Variants in ERC1 observed in about 807,000 individuals in gnomAD.
The protein encoded by ERC1 is RAB6 interacting protein 2.
Under a neutral mutation model 132.0 loss-of-function variants are expected in ERC1, and 56 were observed. The ratio of observed to expected loss-of-function variants is 0.42; its 90% CI spans 0.34 to 0.53. ERC1 has a LOEUF of 0.53. Among genes scored for constraint, ERC1 ranks in the 20% least tolerant of loss-of-function variants. The pLI is 0.03. For synonymous variants in ERC1, 478 were observed against 476.1 expected, an observed-to-expected ratio of 1.00 and a Z score of -0.05; for missense variants, 1,202 against 1,349.9, an observed-to-expected ratio of 0.89 and a Z score of 1.72.
intron 2 of ERC1, among the ~76,000 whole-genome samples, chr12:1,048,022 C>T (rs1248616596): frequency 1.3e-5 from 2 of 152,128 alleles, no homozygotes; most frequent in African/African-American, 2.4e-5. Context: ...TTCCTTTGTT[C>T]ATTTTGAAGT....
chr12:1,448,953 G>C (rs2093366198), intron 18 of ERC1, among the ~76,000 whole-genome samples: 1 of 152,244 alleles, frequency 6.6e-6, no homozygotes, highest in South Asian at 2.1e-4. Context: ...AGAGCCACAG[G>C]GGCAGAGCTG....
At chr12:1,418,657 C>CT (rs1565396480) in intron 17 of ERC1, among the ~76,000 whole-genome samples, 2 of 122,934 alleles carry the variant, frequency 1.6e-5, no homozygotes, top group African/African-American at 6.6e-5. Flanking sequence ...CTCTCTCTCT[C>CT]TCTCTTTCTT....
At chr12:1,042,343 TTTTTTTTTTTTTTC>T (rs1565846204) in intron 2 of ERC1, among the ~76,000 whole-genome samples, 4 of 144,302 alleles carry the variant, frequency 2.8e-5, no homozygotes, top group Admixed American at 7.3e-5. Flanking sequence ...GGCCTGTTTT[TTTTTTTTTTTTTTC>T]TTTTTTTGAA....
Position 1,355,168 on chromosome 12 carries a change from G to A in ERC1, c.2781-16665G>A, listed in dbSNP as rs561021145. 8.1e-4 allele frequency among the ~76,000 whole-genome samples: 124 copies of A among 152,220 alleles called. 1 individual carries two copies. The highest frequency in any genetic ancestry group is 2.8e-3 in the African/African-American group (117 of 41,536). ...TACTCAAATCTCTTGTAGCACCAGC[G>A]TAGCCATAGAAAATATATAAGCAAA... is the stretch of plus-strand genomic sequence containing the variant. On this transcript the variant is annotated intron_variant, in intron 15 of 18. Coordinates refer to ENST00000360905, the MANE Select transcript of ERC1 (RefSeq NM_178040.4).
Position 1,116,006 on chromosome 12 carries a change from G to T in ERC1, c.1542G>T (p.Glu514Asp), listed in dbSNP as rs374949092. 71 of 1,613,268 alleles carry T rather than the reference G, an allele frequency of 4.4e-5. No individual in the cohort carries two copies. The highest frequency in any genetic ancestry group is 5.8e-5 in the Non-Finnish European group (69 of 1,179,676). ...EVLKESLTAK[E>D]QRAAILQTEV... ...TGAAGGAGTCCTTGACTGCTAAGGA[G>T]CAGAGGGCTGCCATCCTGCAGACTG... The change falls in exon 7 of 19, where the codon GAG (glutamate) becomes GAT (aspartate). Residue 514 changes from glutamate (E) to aspartate (D), a missense_variant. Physicochemically the swap from Glu to Asp is conservative, Grantham distance 45. Transcript: ENST00000360905.
chr12:1,217,052 A>T (rs965406073), intron 12 of ERC1, among the ~76,000 whole-genome samples: 2 of 152,248 alleles, frequency 1.3e-5, no homozygotes, highest in African/African-American at 4.8e-5. Context: ...GCTTTGCTCC[A>T]TAAAAGTGCT....
At chr12:1,104,653 T>C (rs1945050327) in intron 3 of ERC1, 97 bp from the exon 4 acceptor site, 1 of 824,806 alleles carries the variant, frequency 1.2e-6, no homozygotes, top group African/African-American at 1.7e-5. Flanking sequence ...CTCATAAGGC[T>C]GTAGTGATCT....
chr12:1,219,046 T>C (rs1428740626), intron 12 of ERC1, among the ~76,000 whole-genome samples: 6 of 151,948 alleles, frequency 3.9e-5, no homozygotes, highest in Non-Finnish European at 8.8e-5. Context: ...CTAATTTTTA[T>C]ATTTTTAGTG....
At chr12:1,304,700 T>C (rs112286637) in intron 15 of ERC1, among the ~76,000 whole-genome samples, 8 of 152,220 alleles carry the variant, frequency 5.3e-5, no homozygotes, top group African/African-American at 1.9e-4. Context: ...GAACCTCTGT[T>C]ATGCTTATTT....
chr12:1,391,134 G>A (rs1019540741), intron 16 of ERC1: 1 of 152,262 alleles, frequency 6.6e-6, no homozygotes, highest in Non-Finnish European at 1.5e-5. Context: ...GTGATTCTCA[G>A]TTGAAACCTG....
intron 12 of ERC1, among the ~76,000 whole-genome samples, chr12:1,205,432 T>G (rs913674708): frequency 4.5e-4 from 68 of 151,452 alleles, no homozygotes; most frequent in Middle Eastern, 6.8e-3. Flanking sequence ...TATATATAGA[T>G]ATATATTTGC....
At chr12:1,467,350 C>T (rs1377848559) in intron 18 of ERC1, among the ~76,000 whole-genome samples, 1 of 151,950 alleles carries the variant, frequency 6.6e-6, no homozygotes, top group Non-Finnish European at 1.5e-5. Flanking sequence ...GTCAGTTTCT[C>T]CTTAGCGTGC....
chr12:1,042,475 A>G (rs936246722), intron 2 of ERC1, among the ~76,000 whole-genome samples: 1 of 150,870 alleles, frequency 6.6e-6, no homozygotes, highest in African/African-American at 2.4e-5. Flanking sequence ...CCTCCAGAGT[A>G]GCTGGGATTA....
At chr12:1,229,396 G>A (rs1253533602) in intron 12 of ERC1, among the ~76,000 whole-genome samples, 2 of 152,142 alleles carry the variant, frequency 1.3e-5, no homozygotes, top group Non-Finnish European at 2.9e-5. Context: ...AGCAACTTGA[G>A]AGGCTGAGGC....
rs188219610 is a variant in ERC1 at position 1,190,071 on chromosome 12, T to C, written c.2351+19T>C. The stretch of plus-strand genomic sequence containing the variant: ...TGGAAAGGTAAGAAAGTGAAGCTGA[T>C]TGGGGCTTATGAGGTTAAAGTATGG... On this transcript the variant is annotated intron_variant, in intron 12 of 18. Coordinates refer to ENST00000360905, the MANE Select transcript of ERC1 (RefSeq NM_178040.4). The C allele has an allele frequency of 6.9e-6, 11 of 1,594,806 alleles. No homozygotes were observed. In the African/African-American group the frequency reaches 8.0e-5, roughly 12 times the overall value.
chr12:1,304,847 T>G (rs570199101), intron 15 of ERC1, among the ~76,000 whole-genome samples: 11 of 135,814 alleles, frequency 8.1e-5, no homozygotes, highest in African/African-American at 3.0e-4. Context: ...TGGAGTACAG[T>G]GGCGTGATCT....
intron 15 of ERC1, among the ~76,000 whole-genome samples, chr12:1,329,955 A>G (rs1425735241): frequency 6.6e-6 from 1 of 152,224 alleles, no homozygotes; most frequent in East Asian, 1.9e-4. Context: ...ATAGTTTAAC[A>G]GTTCCCAATG....
chr12:1,114,685 GC>G (rs199732361), intron 6 of ERC1, among the ~76,000 whole-genome samples: 2 of 140,308 alleles, frequency 1.4e-5, no homozygotes, highest in Non-Finnish European at 3.1e-5. Context: ...ATACTATTTT[GC>G]AGGATGAATA....
intron 17 of ERC1, among the ~76,000 whole-genome samples, chr12:1,411,928 T>C (rs1276050995): frequency 6.6e-6 from 1 of 152,216 alleles, no homozygotes; most frequent in Non-Finnish European, 1.5e-5. Context: ...ATAAACTTGT[T>C]CCTGAAATCT....
Sources: allele counts gnomAD v4.1 joint callset (sites outside exome capture counted in the v4.1 genomes callset), GRCh38; gene constraint gnomAD v4.1.1; transcripts MANE v1.5; gene names NCBI Gene and HGNC (gene_info 2026-07-23, HGNC 2026-07-21).